SH3GLB1: variants seen among roughly 807,000 people sequenced by gnomAD.
SH3GLB1 encodes the protein endophilin-B1.
In SH3GLB1, 17 loss-of-function variants were observed where a neutral mutation model predicts 42.0. That is an observed-to-expected ratio of 0.40 (90% CI 0.28 to 0.61). The LOEUF (loss-of-function observed/expected upper bound fraction) is 0.61, where lower values mean the gene tolerates loss of function less well. Ranked by LOEUF, SH3GLB1 falls within the 20% of genes least tolerant of loss-of-function variation. SH3GLB1 has a pLI of 0.36. For missense variants in SH3GLB1, 355 were observed against 426.3 expected, an observed-to-expected ratio of 0.83 and a Z score of 1.47; for synonymous variants, 132 against 146.6, an observed-to-expected ratio of 0.90 and a Z score of 0.72.
At chr1:86,709,303 TCCA>T (rs1334806880) in intron 1 of SH3GLB1, among the ~76,000 whole-genome samples, 3 of 152,206 alleles carry the variant, frequency 2.0e-5, no homozygotes, top group Non-Finnish European at 4.4e-5. Flanking sequence ...CAAATTACCA[TCCA>T]TATGTGAAGT....
chr1:86,715,615 A>G (rs1411291521), intron 1 of SH3GLB1, 109 bp from the exon 2 acceptor site: 68 of 1,102,240 alleles, frequency 6.2e-5, no homozygotes, highest in South Asian at 3.8e-4. Flanking sequence ...GAGCATGGTT[A>G]TTTGTATGTT....
At position 86,746,015 on chromosome 1, in the gene SH3GLB1, G is replaced by T. The variant is rs1656282546; in HGVS notation, c.*2780G>T. 6.6e-6 allele frequency: 1 copy of T among 152,606 alleles called. No individual in the cohort carries two copies. The highest frequency in any genetic ancestry group is 2.1e-4 in the South Asian group (1 of 4,828). The allele number at this position is 152,606 out of a possible 1,614,324, so 9.5% of individuals were successfully genotyped here. On this transcript the variant is annotated 3_prime_UTR_variant, in exon 9 of 9. Coordinates refer to ENST00000370558, the MANE Select transcript of SH3GLB1 (RefSeq NM_016009.5). ...GTAATCTAACCTAAACGGTCATGGT[G>T]TTAAAACTTTTTATGGTGCTAATCA...
In SH3GLB1 at chr1:86,704,872, G is replaced by C. The variant is rs1260498847; in HGVS notation, c.-28G>C. 28 of 1,524,248 alleles carry C rather than the reference G, an allele frequency of 1.8e-5. No individual in the cohort carries two copies. The highest frequency in any genetic ancestry group is 2.4e-5 in the Non-Finnish European group (27 of 1,131,560). The allele number at this position is 1,524,248 out of a possible 1,614,324, so 94.4% of individuals were successfully genotyped here. ...ACCTCCGCCTCGCCGCCGCTAGGTC[G>C]GCCGGCTCCGCCCGGCTGCCGCCTA... On this transcript the variant is annotated 5_prime_UTR_variant, in exon 1 of 9. Coordinates refer to ENST00000370558, the MANE Select transcript of SH3GLB1 (RefSeq NM_016009.5).
chr1:86,728,520 T>A (rs958406098), intron 5 of SH3GLB1: 7 of 1,325,452 alleles, frequency 5.3e-6, no homozygotes, highest in Non-Finnish European at 7.3e-6. Flanking sequence ...TTCTACATCT[T>A]GAATAAAGTG....
chr1:86,725,051 T>C (rs1350316282), intron 5 of SH3GLB1, among the ~76,000 whole-genome samples: 1 of 149,274 alleles, frequency 6.7e-6, no homozygotes. Context: ...AAAACAAAAA[T>C]TATGGTAGCT....
In SH3GLB1 at chr1:86,724,890, A is replaced by ATATAT. The variant is rs1349915743; in HGVS notation, c.570+485_570+486insTATAT. 6.4e-3 allele frequency among the ~76,000 whole-genome samples: 657 copies of ATATAT among 102,538 alleles called. 4 individuals carry two copies. The highest frequency in any genetic ancestry group is 0.012 in the East Asian group (48 of 3,932). The allele number at this position is 102,538 out of a possible 152,430, so 67.3% of individuals were successfully genotyped here. ...CCCTGTCTTTAAAAAAAAAAAAAAA[A>ATATAT]AAATATATATATATATATATATAAA... On this transcript the variant is annotated intron_variant, in intron 5 of 8. Coordinates refer to ENST00000370558, the MANE Select transcript of SH3GLB1 (RefSeq NM_016009.5).
chr1:86,719,994 T>G (rs1570420207), intron 3 of SH3GLB1, among the ~76,000 whole-genome samples: 1 of 54,932 alleles, frequency 1.8e-5, no homozygotes, highest in Non-Finnish European at 2.9e-5. Context: ...AGACTCTGTC[T>G]CAAAAAAAAA....
chr1:86,740,973 G>A lies in SH3GLB1; in HGVS notation c.762-1235G>A, dbSNP rs181435239. On this transcript the variant is annotated intron_variant, in intron 7 of 8. Coordinates refer to ENST00000370558, the MANE Select transcript of SH3GLB1 (RefSeq NM_016009.5). ...GAGAAAATGTAATATGGGAAGGAAA[G>A]ATAATATGATAAAATGTAATATGAT... Among the ~76,000 whole-genome samples, 8 of 152,038 alleles carry A rather than the reference G, an allele frequency of 5.3e-5. No homozygotes were observed. In the East Asian group the frequency reaches 1.5e-3, roughly 29 times the overall value.
At chr1:86,731,138 T>C (rs984510267) in intron 5 of SH3GLB1, among the ~76,000 whole-genome samples, 1 of 152,160 alleles carries the variant, frequency 6.6e-6, no homozygotes, top group African/African-American at 2.4e-5. Context: ...TAAACAAGAA[T>C]TTAAGGGATA....
intron 5 of SH3GLB1, among the ~76,000 whole-genome samples, chr1:86,732,012 C>T (rs569066606): frequency 6.6e-6 from 1 of 152,208 alleles, no homozygotes; most frequent in South Asian, 2.1e-4. Flanking sequence ...TTGCAGTCAG[C>T]CAGGATCAGC....
Position 86,746,562 on chromosome 1 carries a change from T to TA in SH3GLB1, c.*3328dup, listed in dbSNP as rs1278314345. ...ACCACCCCTGCCCTTTCTCCCATATTACGCTCATTAGAAAGTCTACTCAGG... is the reference window on the plus strand; with the variant it reads ...ACCACCCCTGCCCTTTCTCCCATATTAACGCTCATTAGAAAGTCTACTCAGG... On this transcript the variant is annotated 3_prime_UTR_variant, in exon 9 of 9. Transcript: ENST00000370558. The TA allele has an allele frequency of 6.6e-6, 1 of 152,214 alleles. No individual in the cohort carries two copies. Among genetic ancestry groups the TA allele is most frequent in the African/African-American group, 2.4e-5 (1 of 41,444 alleles). 9.4% of individuals were successfully genotyped at this position (152,214 alleles called of 1,614,324 possible).
At chr1:86,739,000 G>A (rs1232066047) in intron 7 of SH3GLB1, among the ~76,000 whole-genome samples, 2 of 152,168 alleles carry the variant, frequency 1.3e-5, no homozygotes, top group African/African-American at 4.8e-5. Context: ...GTTAAAATGG[G>A]GAATGCCAGA....
At chr1:86,742,781 G>A (rs938610809) in intron 8 of SH3GLB1, among the ~76,000 whole-genome samples, 2 of 151,950 alleles carry the variant, frequency 1.3e-5, no homozygotes, top group Non-Finnish European at 2.9e-5. Flanking sequence ...GCAACATAGC[G>A]ACACCTCATC....
chr1:86,716,389 C>T (rs935431080), intron 2 of SH3GLB1, among the ~76,000 whole-genome samples: 4 of 152,122 alleles, frequency 2.6e-5, no homozygotes, highest in African/African-American at 4.8e-5. Context: ...ATTCTTCTGC[C>T]TCAGCCTCCC....
intron 1 of SH3GLB1, among the ~76,000 whole-genome samples, chr1:86,714,757 G>A (rs1216099109): frequency 6.6e-6 from 1 of 152,110 alleles, no homozygotes; most frequent in African/African-American, 2.4e-5. Context: ...TAATGCTAGT[G>A]ATATACCTGT....
At chr1:86,706,181 G>A (rs1653855360) in intron 1 of SH3GLB1, among the ~76,000 whole-genome samples, 1 of 152,256 alleles carries the variant, frequency 6.6e-6, no homozygotes, top group Non-Finnish European at 1.5e-5. Flanking sequence ...CTGAGGTTAA[G>A]AAACTTGCAC....
intron 5 of SH3GLB1, among the ~76,000 whole-genome samples, chr1:86,732,250 G>T (rs1240846480): frequency 6.6e-6 from 1 of 152,050 alleles, no homozygotes. Flanking sequence ...ACAGATTCTT[G>T]CCCATCTTCC....
chr1:86,730,009 A>G, intron 5 of SH3GLB1: 1 of 1,335,850 alleles, frequency 7.5e-7, no homozygotes. Context: ...AAATATTTAT[A>G]TTTTTCTATA....
intron 1 of SH3GLB1, among the ~76,000 whole-genome samples, chr1:86,713,737 C>G (rs1488623743): frequency 6.6e-6 from 1 of 152,180 alleles, no homozygotes; most frequent in Non-Finnish European, 1.5e-5. Context: ...TGCTCTCCCT[C>G]TTCCTCTCCC....
Sources: gnomAD v4.1 joint callset for allele counts (sites outside exome capture counted in the v4.1 genomes callset) on GRCh38, gnomAD v4.1.1 for gene constraint, MANE v1.5 for transcripts, NCBI Gene and HGNC (gene_info 2026-07-23, HGNC 2026-07-21) for gene names.